The following ST3GAL2 variants were observed in gnomAD, a reference collection of about 807,000 sequenced individuals.
ST3GAL2 encodes CMP-N-acetylneuraminate-beta-galactosamide-alpha-2,3-sialyltransferase 2.
Under a neutral mutation model 37.5 loss-of-function variants are expected in ST3GAL2, and 16 were observed. That is an observed-to-expected ratio of 0.43 (90% CI 0.29 to 0.65). The LOEUF is 0.65. Among genes scored for constraint, ST3GAL2 ranks in the 30% least tolerant of loss-of-function variants. The probability of loss-of-function intolerance (pLI) is 0.17; values close to 1 mark genes in which losing one functional copy is unlikely to be tolerated. For missense variants in ST3GAL2, 383 were observed against 487.8 expected, an observed-to-expected ratio of 0.79 and a Z score of 2.02; for synonymous variants, 238 against 202.9, an observed-to-expected ratio of 1.17 and a Z score of -1.47.
At chr16:70,388,261 T>A in intron 4 of ST3GAL2, 106 bp downstream of exon 4, 1 of 1,491,828 alleles carries the variant, frequency 6.7e-7, no homozygotes, top group African/African-American at 1.4e-5. Flanking sequence ...CCAGCCCCTC[T>A]TGGCCAAAAT....
intron 2 of ST3GAL2, among the ~76,000 whole-genome samples, chr16:70,395,676 T>C (rs948169824): frequency 2.6e-5 from 4 of 152,178 alleles, no homozygotes; most frequent in Non-Finnish European, 5.9e-5. Flanking sequence ...AGAGCCAGAA[T>C]GGCTGGAATA....
Position 70,439,019 on chromosome 16 carries a change from C to CCGT in ST3GAL2, c.-1077_-1075dup, listed in dbSNP as rs931218258. The CCGT allele has an allele frequency of 3.1e-5, 5 of 162,528 alleles. No homozygotes were observed. Among genetic ancestry groups the CCGT allele is most frequent in the Admixed American group, 1.3e-4 (2 of 15,020 alleles). 10.1% of individuals were successfully genotyped at this position (162,528 alleles called of 1,614,324 possible). ...CCGCCGCCGCCGCCCGCGCAGAAAGCCGTCGCCGCCGCCGCCGCCGCCGCC... is the reference window on the plus strand; with the variant it reads ...CCGCCGCCGCCGCCCGCGCAGAAAGCCGTCGTCGCCGCCGCCGCCGCCGCCGCC... On this transcript the variant is annotated 5_prime_UTR_variant, in exon 1 of 7. Coordinates refer to ENST00000342907, the MANE Select transcript of ST3GAL2 (RefSeq NM_006927.4).
chr16:70,432,487 C>T lies in ST3GAL2; in HGVS notation c.-1004+6462G>A, dbSNP rs1023112756. On this transcript the variant is annotated intron_variant, in intron 1 of 6. Transcript: ENST00000342907. ...CCTGTGCCCTGGAACCCTACAAGGT[C>T]CACAACGGCAACATGGAAGCCTGAC... is the stretch of plus-strand genomic sequence containing the variant. Among the ~76,000 whole-genome samples the T allele has an allele frequency of 2.0e-5, 3 of 150,614 alleles. No individual in the cohort carries two copies. In the South Asian group the frequency reaches 6.4e-4, roughly 32 times the overall value.
intron 1 of ST3GAL2, among the ~76,000 whole-genome samples, chr16:70,426,953 T>TC (rs2047756062): frequency 6.6e-6 from 1 of 152,010 alleles, no homozygotes; most frequent in South Asian, 2.1e-4. Flanking sequence ...GCTCCAGCAA[T>TC]CCTCCCACCT....
chr16:70,428,579 C>T (rs1384246959), intron 1 of ST3GAL2, among the ~76,000 whole-genome samples: 1 of 152,192 alleles, frequency 6.6e-6, no homozygotes, highest in Non-Finnish European at 1.5e-5. Context: ...CCCATCTCTC[C>T]CCAGACCCCT....
chr16:70,396,360 C>T (rs2047516401), intron 2 of ST3GAL2, among the ~76,000 whole-genome samples: 1 of 149,460 alleles, frequency 6.7e-6, no homozygotes, highest in Non-Finnish European at 1.5e-5. Context: ...GGAGCCATAA[C>T]TTGATGGGTT....
At chr16:70,427,702 ATG>A (rs1190814931) in intron 1 of ST3GAL2, among the ~76,000 whole-genome samples, 1 of 152,178 alleles carries the variant, frequency 6.6e-6, no homozygotes, top group Non-Finnish European at 1.5e-5. Flanking sequence ...TAAGCCTGAA[ATG>A]TAAGAGTCAT....
At chr16:70,402,942 C>A (rs2047565905) in intron 1 of ST3GAL2, among the ~76,000 whole-genome samples, 1 of 152,142 alleles carries the variant, frequency 6.6e-6, no homozygotes, top group Non-Finnish European at 1.5e-5. Context: ...TGAGCCACTG[C>A]GCCTAGCCAT....
intron 3 of ST3GAL2, 105 bp downstream of exon 3, chr16:70,394,877 A>G (rs2047504586): frequency 6.0e-6 from 8 of 1,332,810 alleles, no homozygotes; most frequent in Non-Finnish European, 8.3e-6. Context: ...GCCCCACAGC[A>G]CACCGGTAGC....
chr16:70,380,216 T>C lies in ST3GAL2; in HGVS notation c.*1473A>G, dbSNP rs2047387850. 6.6e-6 allele frequency: 1 copy of C among 152,148 alleles called. No homozygotes were observed. The highest frequency in any genetic ancestry group is 2.4e-5 in the African/African-American group (1 of 41,410). The allele number at this position is 152,148 out of a possible 1,614,324, so 9.4% of individuals were successfully genotyped here. A position where few individuals can be genotyped will look rare whatever the true frequency, so the allele number is the denominator to read the frequency against. ...GAACGACACTCGAGCTAGGTTCCAA[T>C]ATATTAACTTTCAGGGGCCCACTGC... is the stretch of plus-strand genomic sequence containing the variant. On this transcript the variant is annotated 3_prime_UTR_variant, in exon 7 of 7. Coordinates refer to ENST00000342907, the MANE Select transcript of ST3GAL2 (RefSeq NM_006927.4).
intron 1 of ST3GAL2, among the ~76,000 whole-genome samples, chr16:70,418,998 C>T (rs1053209225): frequency 5.3e-5 from 8 of 152,178 alleles, no homozygotes; most frequent in African/African-American, 1.7e-4. Context: ...GGGCCCAACC[C>T]GGGCGAGTCG....
intron 1 of ST3GAL2, among the ~76,000 whole-genome samples, chr16:70,412,943 C>T (rs1191526289): frequency 6.6e-6 from 1 of 151,666 alleles, no homozygotes; most frequent in African/African-American, 2.4e-5. Context: ...AAAGTCAAGA[C>T]GCTAAGGCGA....
rs1471754495 is a variant in ST3GAL2, at chr16:70,378,711, AT to A, written c.*2977del. The A allele has an allele frequency of 6.8e-6, 1 of 147,092 alleles. No homozygotes were observed. The highest frequency in any genetic ancestry group is 2.5e-5 in the African/African-American group (1 of 39,460). 9.1% of individuals were successfully genotyped at this position (147,092 alleles called of 1,614,324 possible). A position where few individuals can be genotyped will look rare whatever the true frequency, so the allele number is the denominator to read the frequency against. ...TGAGAATCAGTCTCAAAAAAAAAAA[AT>A]CGGCCAGGCACACTGGCTCACGCCT... On this transcript the variant is annotated 3_prime_UTR_variant, in exon 7 of 7. Transcript: ENST00000342907.
chr16:70,431,791 G>A (rs1019983895), intron 1 of ST3GAL2, among the ~76,000 whole-genome samples: 36 of 151,706 alleles, frequency 2.4e-4, no homozygotes, highest in Admixed American at 3.9e-4. Flanking sequence ...GTGAAACCCC[G>A]TCTCTACTAA....
rs1279278301 is a variant in ST3GAL2, at chr16:70,380,857, G to A, written c.*832C>T. The stretch of plus-strand genomic sequence containing the variant: ...CGGCCGAAGACTGGGGGTAGGGACG[G>A]AGTCGGGGGACGGGATTTTTTTCCA... On this transcript the variant is annotated 3_prime_UTR_variant, in exon 7 of 7. Coordinates refer to ENST00000342907, the MANE Select transcript of ST3GAL2 (RefSeq NM_006927.4). 7.2e-5 allele frequency: 11 copies of A among 153,526 alleles called. No homozygotes were observed. In the Admixed American group the frequency reaches 7.2e-4, roughly 10 times the overall value. The allele number at this position is 153,526 out of a possible 1,614,324, so 9.5% of individuals were successfully genotyped here. A position where few individuals can be genotyped will look rare whatever the true frequency, so the allele number is the denominator to read the frequency against.
Position 70,388,451 on chromosome 16 carries a change from G to A in ST3GAL2, c.629C>T (p.Ala210Val). 1.2e-6 allele frequency: 2 copies of A among 1,614,160 alleles called. No homozygotes were observed. Among genetic ancestry groups the A allele is most frequent in the South Asian group, 1.1e-5 (1 of 91,084 alleles). Residue 210 changes from alanine (A) to valine (V), a missense_variant, in exon 4 of 7, where the codon GCC becomes GTC. Physicochemically the swap from Ala to Val is moderately conservative, Grantham distance 64 (BLOSUM62 0). Around this residue, in one of 2 missense-constraint regions of ST3GAL2, gnomAD observed 160 missense variants for 248.6 expected, o/e 0.64. Coordinates refer to ENST00000342907, the MANE Select transcript of ST3GAL2 (RefSeq NM_006927.4). ...MYPESAKNLP[A>V]NVSFVLVPFK... ...GGGCACCAGCACGAAGCTGACGTTG[G>A]CGGGCAGGTTCTTGGCACTCTCAGG...
intron 1 of ST3GAL2, among the ~76,000 whole-genome samples, chr16:70,435,708 C>T (rs1470268246): frequency 6.8e-6 from 1 of 147,970 alleles, no homozygotes; most frequent in Admixed American, 6.7e-5. Flanking sequence ...ACAGGAGAAT[C>T]GCTTGAACCT....
rs1294499245 is a variant in ST3GAL2 at position 70,398,560 on chromosome 16, G to T, written c.-30C>A. 1.3e-6 allele frequency: 2 copies of T among 1,548,140 alleles called. No homozygotes were observed. The highest frequency in any genetic ancestry group is 2.4e-5 in the East Asian group (1 of 41,730). ...CCGGCAGGCGGGTGACGGTCACCGT[G>T]GCCACTCTTTTCCCAGCCCGCTGAG... On this transcript the variant is annotated 5_prime_UTR_variant, in exon 2 of 7. Coordinates refer to ENST00000342907, the MANE Select transcript of ST3GAL2 (RefSeq NM_006927.4).
chr16:70,384,500 A>G (rs1053720479), intron 4 of ST3GAL2, among the ~76,000 whole-genome samples: 3 of 150,742 alleles, frequency 2.0e-5, no homozygotes, highest in African/African-American at 7.3e-5. Flanking sequence ...AGGTCAAGAG[A>G]TGGAGACCAT....
Sources: gnomAD v4.1 joint callset for allele counts (sites outside exome capture counted in the v4.1 genomes callset) on GRCh38, gnomAD v4.1.1 for gene constraint, gnomAD v4.1.1 regional missense constraint, MANE v1.5 for transcripts, NCBI Gene and HGNC (gene_info 2026-07-23, HGNC 2026-07-21) for gene names.